The following PTPRT variants were observed in gnomAD, a reference collection of about 807,000 sequenced individuals.
The protein encoded by PTPRT is receptor-type tyrosine-protein phosphatase T.
A neutral mutation model predicts 176.8 loss-of-function variants in PTPRT; 56 were observed. The ratio of observed to expected loss-of-function variants is 0.32; its 90% confidence interval spans 0.26 to 0.40. The LOEUF (loss-of-function observed/expected upper bound fraction) is 0.40. Ranked by LOEUF, PTPRT falls within the 10% of genes least tolerant of loss-of-function variation. PTPRT has a pLI of 1.00. For missense variants in PTPRT, 1,540 were observed against 1,908.2 expected (o/e 0.81, Z 3.60); for synonymous variants, 783 against 739.0 (o/e 1.06, Z -0.96).
chr20:42,804,667 G>A (rs899213056), intron 2 of PTPRT, among the ~76,000 whole-genome samples: 32 of 152,252 alleles, frequency 2.1e-4, no homozygotes, highest in Non-Finnish European at 2.8e-4. Flanking sequence ...AGATCAAGGT[G>A]TCAGCAGGGT....
At position 42,186,261 on chromosome 20, in the gene PTPRT, A is replaced by G. The variant is rs372949101; in HGVS notation, c.2491+12979T>C. ...CTCAACTCTACCATTGTAGTACAAA[A>G]GCAACCATAGGAAATGCATGAACAA... On this transcript the variant is annotated intron_variant, in intron 16 of 30. Transcript: ENST00000373187. Among the ~76,000 whole-genome samples, 149 of 152,156 alleles carry G rather than the reference A, an allele frequency of 9.8e-4. 1 individual carries two copies. Among genetic ancestry groups the G allele is most frequent in the African/African-American group, 3.3e-3 (136 of 41,558 alleles).
At chr20:42,788,299 C>G (rs1211942154) in intron 3 of PTPRT, among the ~76,000 whole-genome samples, 4 of 152,082 alleles carry the variant, frequency 2.6e-5, no homozygotes, top group Non-Finnish European at 4.4e-5. Context: ...CTGGCTCACG[C>G]AGGATGCAAA....
rs144015273 is a variant in PTPRT, at chr20:42,840,315, A to G, written c.214+45492T>C. On this transcript the variant is annotated intron_variant, in intron 2 of 30. Coordinates refer to ENST00000373187, the MANE Select transcript of PTPRT (RefSeq NM_007050.6). ...CAACCTACTCCAGTATGACTTAACT[A>G]ATTACATCTGCAATGACGGTATTTC... Among the ~76,000 whole-genome samples, 61 of 152,296 alleles carry G rather than the reference A, an allele frequency of 4.0e-4. No homozygotes were observed. The East Asian group carries it at 0.01, about 26-fold the overall frequency.
chr20:42,892,725 G>A (rs893476612), intron 1 of PTPRT, among the ~76,000 whole-genome samples: 2 of 152,180 alleles, frequency 1.3e-5, no homozygotes, highest in African/African-American at 4.8e-5. Flanking sequence ...TGGGGGAGAC[G>A]TCAGCACTGG....
chr20:42,759,660 T>C (rs1283463060), intron 5 of PTPRT, among the ~76,000 whole-genome samples: 1 of 152,222 alleles, frequency 6.6e-6, no homozygotes, highest in African/African-American at 2.4e-5. Context: ...AAGGCCCTTA[T>C]CTACCACTTG....
intron 7 of PTPRT, among the ~76,000 whole-genome samples, chr20:42,638,191 A>G (rs2074651460): frequency 6.6e-6 from 1 of 152,152 alleles, no homozygotes; most frequent in African/African-American, 2.4e-5. Flanking sequence ...TCACCCATGT[A>G]CCTGTCACCC....
rs138198542 is a variant in PTPRT, at chr20:43,137,617, G to C, written c.88+52029C>G. On this transcript the variant is annotated intron_variant, in intron 1 of 30. Coordinates refer to ENST00000373187, the MANE Select transcript of PTPRT (RefSeq NM_007050.6). The stretch of plus-strand genomic sequence containing the variant: ...TCCTCACAGGAGGCCGGCTCCACAG[G>C]GGAATGGGAAGATCCTCTGGGGCGG... 4.5e-3 allele frequency among the ~76,000 whole-genome samples: 683 copies of C among 152,264 alleles called. 9 individuals are homozygous for C. The highest frequency in any genetic ancestry group is 0.016 in the African/African-American group (658 of 41,548).
At chr20:42,794,783 G>A (rs1316384172) in intron 2 of PTPRT, among the ~76,000 whole-genome samples, 1 of 150,228 alleles carries the variant, frequency 6.7e-6, no homozygotes, top group Non-Finnish European at 1.5e-5. Flanking sequence ...AAGCCTTGGT[G>A]GTAACTTGGG....
At chr20:42,810,018 C>A (rs1274785363) in intron 2 of PTPRT, among the ~76,000 whole-genome samples, 1 of 152,094 alleles carries the variant, frequency 6.6e-6, no homozygotes, top group East Asian at 1.9e-4. Flanking sequence ...AGGGGCCGGG[C>A]GCGGTGGCTC....
intron 1 of PTPRT, among the ~76,000 whole-genome samples, chr20:43,060,195 G>A (rs1314031339): frequency 6.6e-6 from 1 of 151,998 alleles, no homozygotes; most frequent in Admixed American, 6.6e-5. Context: ...GAGCTGCTGT[G>A]ACAGAACACC....
At chr20:42,241,885 C>A (rs2056361064) in intron 14 of PTPRT, among the ~76,000 whole-genome samples, 1 of 152,062 alleles carries the variant, frequency 6.6e-6, no homozygotes, top group Non-Finnish European at 1.5e-5. Flanking sequence ...CTCAGCAGGT[C>A]CTGTTTTATA....
At chr20:42,642,242 C>A (rs2074773412) in intron 7 of PTPRT, among the ~76,000 whole-genome samples, 1 of 152,098 alleles carries the variant, frequency 6.6e-6, no homozygotes, top group South Asian at 2.1e-4. Context: ...TGGGTGTGGG[C>A]TCAGAATTAG....
intron 2 of PTPRT, among the ~76,000 whole-genome samples, chr20:42,842,125 A>T (rs902379954): frequency 1.3e-5 from 2 of 152,260 alleles, no homozygotes; most frequent in African/African-American, 4.8e-5. Flanking sequence ...AGATCTTTAG[A>T]ATCAGAAAAC....
intron 15 of PTPRT, among the ~76,000 whole-genome samples, chr20:42,232,631 C>T (rs1408960504): frequency 6.6e-6 from 1 of 151,016 alleles, no homozygotes; most frequent in Non-Finnish European, 1.5e-5. Flanking sequence ...TCTCCCTCCT[C>T]CCCCACTCCC....
At chr20:42,870,093 T>C (rs1280854722) in intron 2 of PTPRT, among the ~76,000 whole-genome samples, 1 of 152,220 alleles carries the variant, frequency 6.6e-6, no homozygotes, top group Non-Finnish European at 1.5e-5. Flanking sequence ...TATTCATAAA[T>C]TACCCATTTT....
chr20:42,170,699 T>C (rs936063616), intron 16 of PTPRT, among the ~76,000 whole-genome samples: 1 of 152,108 alleles, frequency 6.6e-6, no homozygotes, highest in Admixed American at 6.5e-5. Flanking sequence ...TGTTCATGTG[T>C]GAAGGGAACA....
At chr20:42,500,223 C>T (rs182673459) in intron 7 of PTPRT, among the ~76,000 whole-genome samples, 138 of 152,008 alleles carry the variant, frequency 9.1e-4, no homozygotes, top group African/African-American at 3.1e-3. Flanking sequence ...GAGAAGTACA[C>T]GCATCTCTGA....
intron 8 of PTPRT, among the ~76,000 whole-genome samples, chr20:42,460,691 T>C (rs74273602): frequency 6.6e-6 from 1 of 152,208 alleles, no homozygotes; most frequent in Non-Finnish European, 1.5e-5. Context: ...GATGTTATTA[T>C]AAGTGTTTGG....
chr20:43,006,317 G>A (rs1293273331), intron 1 of PTPRT, among the ~76,000 whole-genome samples: 4 of 152,170 alleles, frequency 2.6e-5, no homozygotes, highest in African/African-American at 9.7e-5. Flanking sequence ...TTTAAATTGT[G>A]TGAGATACTT....
Sources: allele counts gnomAD v4.1 joint callset (sites outside exome capture counted in the v4.1 genomes callset), GRCh38; gene constraint gnomAD v4.1.1; transcripts MANE v1.5; gene names NCBI Gene and HGNC (gene_info 2026-07-23, HGNC 2026-07-21).